The following GAS6 variants were observed in gnomAD, a reference collection of about 807,000 sequenced individuals.
GAS6 encodes the protein growth arrest-specific protein 6.
In GAS6, 41 loss-of-function variants were observed where a neutral mutation model predicts 75.8. The ratio of observed to expected loss-of-function variants is 0.54; its 90% CI spans 0.42 to 0.70. GAS6 has a LOEUF of 0.70. Among genes scored for constraint, GAS6 ranks in the 30% least tolerant of loss-of-function variants. GAS6 has a pLI of 0.00. For missense variants in GAS6, 854 were observed against 940.2 expected, an observed-to-expected ratio of 0.91 and a Z score of 1.20; for synonymous variants, 432 against 412.6, an observed-to-expected ratio of 1.05 and a Z score of -0.57.
At chr13:113,846,393 G>T in intron 4 of GAS6, 134 bp downstream of exon 4, 1 of 657,120 alleles carries the variant, frequency 1.5e-6, no homozygotes, top group Admixed American at 2.9e-5. Flanking sequence ...TTGGCGAAAA[G>T]GGAGCAGGCC....
At position 113,837,934 on chromosome 13, in the gene GAS6, T is replaced by A; in HGVS notation, c.589+135A>T. 1 of 1,032,246 alleles carries A rather than the reference T, an allele frequency of 9.7e-7. No homozygotes were observed. Among genetic ancestry groups the A allele is most frequent in the Non-Finnish European group, 1.4e-6 (1 of 705,898 alleles). 63.9% of individuals were successfully genotyped at this position (1,032,246 alleles called of 1,614,324 possible). A position where few individuals can be genotyped will look rare whatever the true frequency, so the allele number is the denominator to read the frequency against. On this transcript the variant is annotated intron_variant, in intron 6 of 14. Transcript: ENST00000327773. The surrounding 1 kb of genome is among the most constrained non-coding windows in gnomAD (Gnocchi z 5.1). Reference sequence around the variant, plus strand: ...CTGCGGCTGGCCTGGGCTTGTGTAGTCTCTGCAGGATGCCCCATCCCATCC... The same window carrying A: ...CTGCGGCTGGCCTGGGCTTGTGTAGACTCTGCAGGATGCCCCATCCCATCC...
chr13:113,835,630 CTA>C lies in GAS6; in HGVS notation c.593_594del (p.Ile198ArgfsTer26), dbSNP rs1247228699. 2 of 1,611,198 alleles carry C rather than the reference CTA, an allele frequency of 1.2e-6. No homozygotes were observed. Among genetic ancestry groups the C allele is most frequent in the Admixed American group, 3.3e-5 (2 of 59,942 alleles). On this transcript the variant is annotated frameshift_variant, in exon 7 of 15. Coordinates refer to ENST00000327773, the MANE Select transcript of GAS6 (RefSeq NM_000820.4). ...LSSDGRTCQD[I>X]DECADSEACG... ...CAGGCCTCCGAGTCTGCGCACTCGT[CTA>C]TGTCTGCAAGCAAAAAAAAACCGGC...
rs377132433 is a variant in GAS6 at position 113,826,222 on chromosome 13, C to T, written c.1477+774G>A. On this transcript the variant is annotated intron_variant, in intron 12 of 14. Coordinates refer to ENST00000327773, the MANE Select transcript of GAS6 (RefSeq NM_000820.4). ...GTTCACTGTCCCCCAGGCAGCTTCA[C>T]GGCTGTTTTTACACACCTCCCATTG... 4.6e-5 allele frequency among the ~76,000 whole-genome samples: 7 copies of T among 152,230 alleles called. No individual in the cohort carries two copies. The East Asian group carries it at 5.8e-4, about 13-fold the overall frequency.
intron 12 of GAS6, among the ~76,000 whole-genome samples, chr13:113,823,878 G>A (rs1409887627): frequency 3.5e-5 from 5 of 144,492 alleles, no homozygotes; most frequent in South Asian, 2.1e-4. Context: ...GCCTCCCTCC[G>A]ATGTCCTCTT....
chr13:113,823,747 G>A (rs780690847), intron 12 of GAS6, among the ~76,000 whole-genome samples, 197 bp from the exon 13 acceptor site: 1 of 152,216 alleles, frequency 6.6e-6, no homozygotes, highest in Non-Finnish European at 1.5e-5. Flanking sequence ...GGGACCCCCA[G>A]GCTGTTTCTC....
At chr13:113,859,560 A>G (rs9577921) in intron 2 of GAS6, among the ~76,000 whole-genome samples, 69,296 of 151,506 alleles carry the variant, frequency 0.46, 19,433 homozygotes, top group African/African-American at 0.8. Context: ...GTGTACGTAT[A>G]TCTATGTGAA....
At position 113,862,411 on chromosome 13, in the gene GAS6, G is replaced by A. The variant is rs77932464; in HGVS notation, c.255+1164C>T. ...AACCCCACAGCTGGGCGGCGACTCC[G>A]AGCGACCAGGGCACACAGGCCCACC... is the stretch of plus-strand genomic sequence containing the variant. On this transcript the variant is annotated intron_variant, in intron 2 of 14. Transcript: ENST00000327773. Among the ~76,000 whole-genome samples the A allele has an allele frequency of 2.1e-3, 325 of 152,314 alleles. 1 individual carries two copies. Among genetic ancestry groups the A allele is most frequent in the Middle Eastern group, 6.8e-3 (2 of 294 alleles).
At chr13:113,828,414 C>T in intron 11 of GAS6, 133 bp downstream of exon 11, 1 of 843,132 alleles carries the variant, frequency 1.2e-6, no homozygotes, top group South Asian at 2.8e-5. Flanking sequence ...TCTAGGAAAC[C>T]TTTCCTTCCT....
At chr13:113,832,158 G>A in intron 10 of GAS6, 141 bp downstream of exon 10, 6 of 961,118 alleles carry the variant, frequency 6.2e-6, no homozygotes, top group South Asian at 3.3e-5. Context: ...ACTAAACGGG[G>A]CAGGGGTCCC....
chr13:113,830,448 ACCTCG>A (rs2051616038), intron 10 of GAS6, among the ~76,000 whole-genome samples: 2 of 108,228 alleles, frequency 1.8e-5, no homozygotes, highest in African/African-American at 1.0e-4. Flanking sequence ...CCCCCAGGCG[ACCTCG>A]CCTCAGGCCA....
intron 7 of GAS6, 101 bp from the exon 8 acceptor site, chr13:113,834,773 A>G (rs952993298): frequency 1.6e-6 from 2 of 1,248,700 alleles, no homozygotes; most frequent in African/African-American, 3.1e-5. Flanking sequence ...AGGTGCGCTC[A>G]AGGAATTACA....
chr13:113,829,583 C>G (rs2051603461), intron 10 of GAS6, among the ~76,000 whole-genome samples: 1 of 150,850 alleles, frequency 6.6e-6, no homozygotes. Flanking sequence ...ACACCTGAGC[C>G]AAGAGGGTCC....
chr13:113,842,546 C>T lies in GAS6; in HGVS notation c.344-2696G>A, dbSNP rs887166658. ...TCTGGAGACGTCGATGTGGTCATAG[C>T]AGGGCCTGGAACGGGGAGGTCTGGC... On this transcript the variant is annotated intron_variant, in intron 4 of 14. Coordinates refer to ENST00000327773, the MANE Select transcript of GAS6 (RefSeq NM_000820.4). 5 of 396,878 alleles carry T rather than the reference C, an allele frequency of 1.3e-5. 1 individual carries two copies. The highest frequency in any genetic ancestry group is 1.1e-4 in the African/African-American group (5 of 47,182). The allele number at this position is 396,878 out of a possible 1,614,324, so 24.6% of individuals were successfully genotyped here.
At chr13:113,855,667 C>T (rs2051908675) in intron 2 of GAS6, among the ~76,000 whole-genome samples, 1 of 152,152 alleles carries the variant, frequency 6.6e-6, no homozygotes, top group South Asian at 2.1e-4. Flanking sequence ...GGAGTCACGC[C>T]CCGGCCTCTC....
At chr13:113,861,816 C>T (rs770173410) in intron 2 of GAS6, among the ~76,000 whole-genome samples, 1 of 152,072 alleles carries the variant, frequency 6.6e-6, no homozygotes, top group Non-Finnish European at 1.5e-5. Flanking sequence ...AGAGGGAAAG[C>T]GGGTTGTTAT....
chr13:113,827,202 C>T (rs377534605), intron 11 of GAS6, 38 bp from the exon 12 acceptor site: 27 of 1,600,830 alleles, frequency 1.7e-5, no homozygotes, highest in Middle Eastern at 1.7e-4. Flanking sequence ...TTCCTGGGAG[C>T]GAGAAGCCCC....
At chr13:113,825,303 T>C (rs1012701911) in intron 12 of GAS6, among the ~76,000 whole-genome samples, 5 of 149,542 alleles carry the variant, frequency 3.3e-5, no homozygotes, top group African/African-American at 1.2e-4. Context: ...CCATCGGGGC[T>C]TCACAAGGGC....
intron 2 of GAS6, among the ~76,000 whole-genome samples, chr13:113,851,984 T>G (rs1195404773): frequency 6.6e-6 from 1 of 152,004 alleles, no homozygotes; most frequent in East Asian, 1.9e-4. Context: ...TCTCGGAGGT[T>G]TGTGTGCTTT....
chr13:113,836,953 G>A (rs992935787), intron 6 of GAS6, among the ~76,000 whole-genome samples: 1 of 150,584 alleles, frequency 6.6e-6, no homozygotes, highest in Non-Finnish European at 1.5e-5. Context: ...AGGAGAGGAC[G>A]GGAATGCCTC....
Sources: allele counts gnomAD v4.1 joint callset (sites outside exome capture counted in the v4.1 genomes callset), GRCh38; gene constraint gnomAD v4.1.1; non-coding constraint Gnocchi (gnomAD v3.1); transcripts MANE v1.5; gene names NCBI Gene and HGNC (gene_info 2026-07-23, HGNC 2026-07-21).